SAFB2: variants seen among roughly 807,000 people sequenced by gnomAD.
SAFB2 encodes scaffold attachment factor B2.
A neutral mutation model predicts 100.6 loss-of-function variants in SAFB2; 32 were observed. The observed-to-expected ratio is 0.32, with a 90% confidence interval of 0.24 to 0.43. The LOEUF (loss-of-function observed/expected upper bound fraction) is 0.43. Among genes scored for constraint, SAFB2 ranks in the 20% least tolerant of loss-of-function variants. The probability of loss-of-function intolerance (pLI) is 1.00; values close to 1 mark genes in which losing one functional copy is unlikely to be tolerated. For missense variants in SAFB2, 1,185 were observed against 1,163.4 expected (o/e 1.02, Z -0.27); for synonymous variants, 500 against 439.4 (o/e 1.14, Z -1.72).
In SAFB2 at chr19:5,595,415, T is replaced by A; in HGVS notation, c.1865A>T (p.Glu622Val). Reference sequence around the variant, plus strand: ...TTCCCGCTGCCTCTGGCGCTCTCTCTCCCTTTGTTCTTTGATTTTATCAAA... The same window carrying A: ...TTCCCGCTGCCTCTGGCGCTCTCTCACCCTTTGTTCTTTGATTTTATCAAA... ...LSFDKIKEQRERERQRQRERE... is the reference protein window; with the variant it reads ...LSFDKIKEQRVRERQRQRERE... Residue 622 changes from glutamate to valine, a missense_variant, in exon 14 of 21, where the codon GAG (glutamate) becomes GTG (valine). Transcript: ENST00000252542. The A allele has an allele frequency of 6.2e-7, 1 of 1,613,558 alleles. No homozygotes were observed. Among genetic ancestry groups the A allele is most frequent in the Non-Finnish European group, 8.5e-7 (1 of 1,179,936 alleles).
chr19:5,587,704 G>A lies in SAFB2; in HGVS notation c.2702C>T (p.Ala901Val), dbSNP rs748250396. Residue 901 changes from alanine (A) to valine (V), a missense_variant, in exon 20 of 21, where the codon GCG becomes GTG. Around this residue, in one of 3 missense-constraint regions of SAFB2, gnomAD observed 740 missense variants for 687.1 expected, o/e 1.08. Coordinates refer to ENST00000252542, the MANE Select transcript of SAFB2 (RefSeq NM_014649.3). The surrounding 1 kb of genome is among the most constrained non-coding windows in gnomAD (Gnocchi z 4.9). ...CTCCACGGACGACACACCTTACCCC[G>A]CCACTCCACCGCGGCTTGCCATGTG... ...PGHMASRGGV[A>V]GRGGFAQGGH... 2.7e-5 allele frequency: 42 copies of A among 1,550,648 alleles called. No homozygotes were observed. In the East Asian group the frequency reaches 2.9e-4, roughly 11 times the overall value.
Position 5,606,706 on chromosome 19 carries a change from G to GAAGGAACAAAGATTAAATTA in SAFB2, c.1297-1790_1297-1771dup, listed in dbSNP as rs1463748787. On this transcript the variant is annotated intron_variant, in intron 9 of 20. Transcript: ENST00000252542. Reference sequence around the variant, plus strand: ...AGAGAAAAGACACAAATTGGTAACTGAAGGAACAAAGATTAAATTAACCTA... The same window carrying GAAGGAACAAAGATTAAATTA: ...AGAGAAAAGACACAAATTGGTAACTGAAGGAACAAAGATTAAATTAAAGGAACAAAGATTAAATTAACCTA... Among the ~76,000 whole-genome samples, 17 of 152,280 alleles carry GAAGGAACAAAGATTAAATTA rather than the reference G, an allele frequency of 1.1e-4. No homozygotes were observed. In the South Asian group the frequency reaches 3.3e-3, roughly 30 times the overall value.
chr19:5,616,381 A>G (rs775916210), intron 3 of SAFB2, 41 bp downstream of exon 3: 4 of 1,613,834 alleles, frequency 2.5e-6, no homozygotes, highest in East Asian at 4.5e-5. Flanking sequence ...GGACCAGGAC[A>G]GGGAGCTGCT....
intron 14 of SAFB2, among the ~76,000 whole-genome samples, chr19:5,594,500 G>A (rs1374986804): frequency 3.3e-5 from 5 of 152,200 alleles, no homozygotes; most frequent in African/African-American, 9.6e-5. Context: ...TGAAAAGGCC[G>A]AATGTCAAGG....
At position 5,590,295 on chromosome 19, in the gene SAFB2, C is replaced by T. The variant is rs757227496; in HGVS notation, c.2508G>A (p.Gly836=). 1.2e-5 allele frequency: 19 copies of T among 1,600,324 alleles called. No individual in the cohort carries two copies. The Admixed American group carries it at 1.6e-4, about 13-fold the overall frequency. The change falls in exon 18 of 21, where the codon GGG becomes GGA. Residue 836 remains glycine, a synonymous_variant. Coordinates refer to ENST00000252542, the MANE Select transcript of SAFB2 (RefSeq NM_014649.3). The part of the protein sequence containing the change: ...GSDKRLSEGR[G]LPPPPRGGRD... ...CCACTAACCTGGGGGGAGGGGGCAG[C>T]CCCCGGCCTTCACTCAGCCTCTTGT...
In SAFB2 at chr19:5,616,219, C is replaced by A. The variant is rs1351021101; in HGVS notation, c.456G>T (p.Thr152=). The change falls in exon 4 of 21, where the codon ACG becomes ACT. Residue 152 remains threonine (T), a synonymous_variant. Transcript: ENST00000252542. ...CACAAAAGGAATCGAGAAGGCCGTC[C>A]GTGCCATCCTCCCCAAAATCTGGAG... ...SSAPDFGEDG[T]DGLLDSFCDS... The A allele has an allele frequency of 6.2e-7, 1 of 1,614,190 alleles. No individual in the cohort carries two copies. The highest frequency in any genetic ancestry group is 1.6e-4 in the Middle Eastern group (1 of 6,062).
At position 5,598,818 on chromosome 19, in the gene SAFB2, T is replaced by G; in HGVS notation, c.1757A>C (p.Lys586Thr). The G allele has an allele frequency of 6.2e-7, 1 of 1,614,176 alleles. No homozygotes were observed. Among genetic ancestry groups the G allele is most frequent in the South Asian group, 1.1e-5 (1 of 91,076 alleles). The part of the protein sequence containing the change: ...KSKGEPVISV[K>T]TTSRSKERSS... ...TCTCTCTTTGGACCTGCTTGTGGTT[T>G]TCACGCTAATGACGGGCTCTCCTTT... The change falls in exon 13 of 21, where the codon AAA (lysine) becomes ACA (threonine). Residue 586 changes from lysine (K) to threonine (T), a missense_variant. By Grantham distance (78) the Lys-to-Thr change is moderately conservative (BLOSUM62 -1). This residue lies in a region of SAFB2 where 740 missense variants were observed against 687.1 expected (regional missense o/e 1.08). Transcript: ENST00000252542.
chr19:5,615,577 G>T (rs907756346), intron 4 of SAFB2, among the ~76,000 whole-genome samples: 2 of 151,914 alleles, frequency 1.3e-5, no homozygotes, highest in Non-Finnish European at 2.9e-5. Flanking sequence ...TTAGCTGGGC[G>T]TGGTGGTTCA....
At chr19:5,589,249 C>T (rs1317192302) in intron 18 of SAFB2, among the ~76,000 whole-genome samples, 5 of 152,186 alleles carry the variant, frequency 3.3e-5, no homozygotes, top group African/African-American at 7.2e-5. Flanking sequence ...ACCCAGCAAG[C>T]GACAGGACAG....
At chr19:5,609,936 CAG>C (rs1401199334) in intron 9 of SAFB2, 57 bp downstream of exon 9, 3 of 1,459,286 alleles carry the variant, frequency 2.1e-6, no homozygotes, top group Non-Finnish European at 2.9e-6. Flanking sequence ...CCGTGCCCAG[CAG>C]AGCTTCCTTT....
At position 5,616,220 on chromosome 19, in the gene SAFB2, G is replaced by A. The variant is rs200354160; in HGVS notation, c.455C>T (p.Thr152Met). Residue 152 changes from threonine to methionine, a missense_variant, in exon 4 of 21, where the codon ACG (threonine) becomes ATG (methionine). By Grantham distance (81) the Thr-to-Met change is moderately conservative (BLOSUM62 -1). Around this residue, in one of 3 missense-constraint regions of SAFB2, gnomAD observed 351 missense variants for 341.2 expected, o/e 1.03. Transcript: ENST00000252542. ...ACAAAAGGAATCGAGAAGGCCGTCC[G>A]TGCCATCCTCCCCAAAATCTGGAGC... The part of the protein sequence containing the change: ...SSAPDFGEDG[T>M]DGLLDSFCDS... The A allele has an allele frequency of 8.7e-6, 14 of 1,614,108 alleles. No individual in the cohort carries two copies. Among genetic ancestry groups the A allele is most frequent in the South Asian group, 7.7e-5 (7 of 91,080 alleles).
intron 5 of SAFB2, among the ~76,000 whole-genome samples, chr19:5,613,099 C>A (rs563287533): frequency 1.4e-4 from 22 of 152,194 alleles, no homozygotes; most frequent in Non-Finnish European, 2.8e-4. Flanking sequence ...TTCTATCCAA[C>A]CCTGTGTGCT....
intron 4 of SAFB2, among the ~76,000 whole-genome samples, chr19:5,614,094 C>T (rs1171126843): frequency 6.6e-6 from 1 of 152,200 alleles, no homozygotes; most frequent in Non-Finnish European, 1.5e-5. Context: ...GCTAGGATTA[C>T]AGGCATGCAC....
chr19:5,600,241 C>T lies in SAFB2; in HGVS notation c.1579G>A (p.Glu527Lys), dbSNP rs1266746236. 1 of 1,612,876 alleles carries T rather than the reference C, an allele frequency of 6.2e-7. No homozygotes were observed. The highest frequency in any genetic ancestry group is 1.1e-5 in the South Asian group (1 of 90,914). Reference protein sequence around the residue: ...KIEKTVIKKEEKIEKKEEKKP... With the variant: ...KIEKTVIKKEKKIEKKEEKKP... The stretch of plus-strand genomic sequence containing the variant: ...TTTTCCTCCTTCTTCTCAATCTTCT[C>T]TTCCTTCTTAATTACAGTTCTATTT... Residue 527 changes from glutamate (E) to lysine (K), a missense_variant, in exon 12 of 21, where the codon GAG (glutamate) becomes AAG (lysine). Transcript: ENST00000252542.
chr19:5,609,854 T>TCTG, intron 9 of SAFB2, 141 bp downstream of exon 9: 1 of 703,774 alleles, frequency 1.4e-6, no homozygotes, highest in Non-Finnish European at 2.5e-6. Flanking sequence ...CCCAGGCTGG[T>TCTG]CTTGAACTCC....
At chr19:5,590,485 T>C (rs146808508) in intron 17 of SAFB2, 77 bp from the exon 18 acceptor site, 23,866 of 1,460,314 alleles carry the variant, frequency 0.016, 262 homozygotes, top group Admixed American at 0.024. Context: ...GCCTGTCCAC[T>C]GCAGGCCCCA....
chr19:5,597,946 G>A (rs951508059), intron 13 of SAFB2, among the ~76,000 whole-genome samples: 7 of 152,026 alleles, frequency 4.6e-5, no homozygotes, highest in South Asian at 4.2e-4. Context: ...CCTGGCCAAC[G>A]TGGCAAAATC....
At chr19:5,615,391 G>T (rs1038312535) in intron 4 of SAFB2, among the ~76,000 whole-genome samples, 9 of 150,816 alleles carry the variant, frequency 6.0e-5, no homozygotes, top group African/African-American at 2.0e-4. Context: ...ACATTAGGAG[G>T]AATATCTACA....
At chr19:5,608,868 C>T (rs534601956) in intron 9 of SAFB2, among the ~76,000 whole-genome samples, 13 of 151,974 alleles carry the variant, frequency 8.6e-5, no homozygotes, top group Middle Eastern at 3.4e-3. Context: ...GCCAACATGG[C>T]GAAACCCCAT....
Sources: gnomAD v4.1 joint callset for allele counts (sites outside exome capture counted in the v4.1 genomes callset) on GRCh38, gnomAD v4.1.1 for gene constraint, gnomAD v4.1.1 regional missense constraint, Gnocchi (gnomAD v3.1) non-coding constraint, MANE v1.5 for transcripts, NCBI Gene and HGNC (gene_info 2026-07-23, HGNC 2026-07-21) for gene names.